ABCC12: variants seen among roughly 807,000 people sequenced by gnomAD.
The protein encoded by ABCC12 is ATP binding cassette subfamily C member 12.
ABCC12 carries 142 observed loss-of-function variants against 151.1 expected under a neutral mutation model. That is an observed-to-expected ratio of 0.94 (90% CI 0.82 to 1.08). The LOEUF is 1.08. Ranked by LOEUF, ABCC12 falls within the 50% of genes least tolerant of loss-of-function variation. The pLI is 0.00. For synonymous variants in ABCC12, 645 were observed against 646.4 expected (o/e 1.00, Z 0.03); for missense variants, 1,638 against 1,691.1 (o/e 0.97, Z 0.55).
At chr16:48,107,457 G>A in intron 19 of ABCC12, 32 bp from the exon 20 acceptor site, 3 of 1,575,614 alleles carry the variant, frequency 1.9e-6, no homozygotes, top group Non-Finnish European at 1.7e-6. Flanking sequence ...CCAAGGGGCT[G>A]CAGACATGAG....
At chr16:48,143,803 T>G in intron 4 of ABCC12, 107 bp downstream of exon 4, 1 of 1,394,488 alleles carries the variant, frequency 7.2e-7, no homozygotes, top group Non-Finnish European at 9.6e-7. Context: ...CACATGGAAC[T>G]GTGAGTCCAT....
intron 8 of ABCC12, among the ~76,000 whole-genome samples, chr16:48,134,349 C>T (rs1964535403): frequency 1.3e-5 from 2 of 152,108 alleles, no homozygotes; most frequent in Admixed American, 1.3e-4. Context: ...TTCTAGGCAC[C>T]CAGCTAACCC....
rs1412536578 is a variant in ABCC12, at chr16:48,082,630, G to T, written c.*1085C>A. On this transcript the variant is annotated 3_prime_UTR_variant, in exon 31 of 31. Coordinates refer to ENST00000311303, the MANE Select transcript of ABCC12 (RefSeq NM_001393797.1). ...CACTTACAAGGGAAGTGGGGTGGGG[G>T]GTTGTGGTCTGGAAGCTTTGCTGAC... 6.6e-6 allele frequency among the ~76,000 whole-genome samples: 1 copy of T among 152,140 alleles called. No homozygotes were observed. Among genetic ancestry groups the T allele is most frequent in the African/African-American group, 2.4e-5 (1 of 41,418 alleles).
intron 11 of ABCC12, 123 bp from the exon 12 acceptor site, chr16:48,124,407 C>A: frequency 1.1e-6 from 1 of 904,570 alleles, no homozygotes; most frequent in Non-Finnish European, 1.8e-6. Flanking sequence ...TCACTGCAGG[C>A]TCTGGGGCAT....
At chr16:48,119,678 C>T (rs940251121) in intron 13 of ABCC12, among the ~76,000 whole-genome samples, 7 of 152,214 alleles carry the variant, frequency 4.6e-5, no homozygotes, top group African/African-American at 1.4e-4. Context: ...CCAGCAGGGA[C>T]AGAGTTGGTG....
rs772844428 is a variant in ABCC12 at position 48,083,839 on chromosome 16, A to G, written c.3994-38T>C. On this transcript the variant is annotated intron_variant, in intron 30 of 30. Transcript: ENST00000311303. ...GAAGAAGAACTGAAATCATCGGAAA[A>G]TATCTACCCACTGTAAAGCTCAAAC... The G allele has an allele frequency of 2.3e-5, 37 of 1,614,008 alleles. No individual in the cohort carries two copies. The African/African-American group carries it at 4.0e-4, about 17-fold the overall frequency.
rs1394746323 is a variant in ABCC12, at chr16:48,126,336, C to T, written c.1516-2052G>A. On this transcript the variant is annotated intron_variant, in intron 11 of 30. Transcript: ENST00000311303. ...GCAGAAAATCCATGAGGCCTGTATC[C>T]TCTGATGATTCTCCCAACAAACACT... Among the ~76,000 whole-genome samples the T allele has an allele frequency of 2.0e-5, 3 of 152,256 alleles. No individual in the cohort carries two copies. The East Asian group carries it at 5.8e-4, about 29-fold the overall frequency.
chr16:48,131,457 A>G lies in ABCC12; in HGVS notation c.1129-562T>C, dbSNP rs75521481. 8.5e-3 allele frequency among the ~76,000 whole-genome samples: 1,290 copies of G among 152,042 alleles called. 17 individuals are homozygous for G. Among genetic ancestry groups the G allele is most frequent in the African/African-American group, 0.029 (1,196 of 41,488 alleles). On this transcript the variant is annotated intron_variant, in intron 9 of 30. Transcript: ENST00000311303. Reference sequence around the variant, plus strand: ...TGCCCTGCCTCCCCATTCACCACACAAGGCCAGATTTGAGAGCCTTTGGTC... The same window carrying G: ...TGCCCTGCCTCCCCATTCACCACACGAGGCCAGATTTGAGAGCCTTTGGTC...
chr16:48,126,416 CA>C (rs1404862387), intron 11 of ABCC12, among the ~76,000 whole-genome samples: 5 of 152,090 alleles, frequency 3.3e-5, no homozygotes, highest in Admixed American at 2.6e-4. Context: ...TAACTGTGAA[CA>C]AAAAACCCTG....
intron 15 of ABCC12, among the ~76,000 whole-genome samples, chr16:48,114,102 C>G (rs991849412): frequency 6.6e-6 from 1 of 152,164 alleles, no homozygotes; most frequent in Non-Finnish European, 1.5e-5. Context: ...AGAAGAAGAA[C>G]TAGGAGCTCT....
At position 48,088,060 on chromosome 16, in the gene ABCC12, C is replaced by A; in HGVS notation, c.3501G>T (p.Leu1167Phe). ...GSGKSSLGMA[L>F]FRLVEPASGT... is the part of the protein sequence containing the mutation. ...CACTGGCTGGCTCCACCAGACGAAA[C>A]AAAGCCATTCCTAACGATGACTTTC... The change falls in exon 27 of 31, where the codon TTG (leucine) becomes TTT (phenylalanine). Residue 1167 changes from leucine to phenylalanine, a missense_variant. Transcript: ENST00000311303. 2 of 1,614,090 alleles carry A rather than the reference C, an allele frequency of 1.2e-6. No individual in the cohort carries two copies. Among genetic ancestry groups the A allele is most frequent in the Non-Finnish European group, 1.7e-6 (2 of 1,179,978 alleles).
chr16:48,118,620 C>T (rs1474845445), intron 13 of ABCC12, among the ~76,000 whole-genome samples: 1 of 152,226 alleles, frequency 6.6e-6, no homozygotes, highest in Non-Finnish European at 1.5e-5. Context: ...ACAACTCAGA[C>T]ATCAAAAGAC....
chr16:48,086,539 T>G, intron 28 of ABCC12: 1 of 559,772 alleles, frequency 1.8e-6, no homozygotes, highest in Non-Finnish European at 3.2e-6. Context: ...TGTAGTGCTC[T>G]TGACTGGATC....
At position 48,083,456 on chromosome 16, in the gene ABCC12, T is replaced by G; in HGVS notation, c.*259A>C. 2.3e-6 allele frequency: 1 copy of G among 441,502 alleles called. No individual in the cohort carries two copies. The highest frequency in any genetic ancestry group is 2.0e-5 in the African/African-American group (1 of 49,034). The allele number at this position is 441,502 out of a possible 1,614,324, so 27.3% of individuals were successfully genotyped here. A position where few individuals can be genotyped will look rare whatever the true frequency, so the allele number is the denominator to read the frequency against. ...AAAACACATGAGGAACCCTTGGGGA[T>G]TTGGGAGGTGAAGGGCAGTTTTTTA... is the stretch of plus-strand genomic sequence containing the variant. On this transcript the variant is annotated 3_prime_UTR_variant, in exon 31 of 31. Transcript: ENST00000311303.
chr16:48,119,051 C>A (rs1597314765), intron 13 of ABCC12, among the ~76,000 whole-genome samples: 1 of 152,358 alleles, frequency 6.6e-6, no homozygotes, highest in East Asian at 1.9e-4. Flanking sequence ...CTCCCCTCAA[C>A]ACCTCCCACC....
At chr16:48,128,308 T>C in intron 11 of ABCC12, 151 bp downstream of exon 11, 1 of 1,224,836 alleles carries the variant, frequency 8.2e-7, no homozygotes, top group Non-Finnish European at 1.1e-6. Flanking sequence ...GTACATAGTT[T>C]TAAAACTGGG....
rs756358542 is a variant in ABCC12 at position 48,101,021 on chromosome 16, T to C, written c.2901-12A>G. The C allele has an allele frequency of 2.6e-5, 42 of 1,613,072 alleles. No individual in the cohort carries two copies. Among genetic ancestry groups the C allele is most frequent in the East Asian group, 6.7e-5 (3 of 44,862 alleles). ...CTCTGTGGAAAATGCTGGAAGAAAA[T>C]TGAAAGGGGCCAGGTGGGCCACAAA... On this transcript the variant is annotated splice_polypyrimidine_tract_variant and intron_variant, in intron 22 of 30. Transcript: ENST00000311303.
chr16:48,083,447 C>G lies in ABCC12; in HGVS notation c.*268G>C. ...GTTTTGGTGAAAACACATGAGGAAC[C>G]CTTGGGGATTTGGGAGGTGAAGGGC... On this transcript the variant is annotated 3_prime_UTR_variant, in exon 31 of 31. Transcript: ENST00000311303. 1 of 428,884 alleles carries G rather than the reference C, an allele frequency of 2.3e-6. No homozygotes were observed. The highest frequency in any genetic ancestry group is 4.6e-5 in the South Asian group (1 of 21,796). 26.6% of individuals were successfully genotyped at this position (428,884 alleles called of 1,614,324 possible).
chr16:48,130,127 A>C (rs1964371466), intron 10 of ABCC12, among the ~76,000 whole-genome samples: 1 of 152,354 alleles, frequency 6.6e-6, no homozygotes, highest in East Asian at 1.9e-4. Flanking sequence ...TGTTTGAACA[A>C]GCTTTCGTGT....
Sources: gnomAD v4.1 joint callset for allele counts (sites outside exome capture counted in the v4.1 genomes callset) on GRCh38, gnomAD v4.1.1 for gene constraint, MANE v1.5 for transcripts, NCBI Gene and HGNC (gene_info 2026-07-23, HGNC 2026-07-21) for gene names.